The following TNFRSF10D variants were observed in gnomAD, a reference collection of about 807,000 sequenced individuals.
The protein encoded by TNFRSF10D is tumor necrosis factor receptor superfamily member 10D.
Under a neutral mutation model 42.1 loss-of-function variants are expected in TNFRSF10D, and 28 were observed. That is an observed-to-expected ratio of 0.66 (90% CI 0.49 to 0.91). The LOEUF (loss-of-function observed/expected upper bound fraction) is 0.91, where lower values mean the gene tolerates loss of function less well. Among genes scored for constraint, TNFRSF10D ranks in the 40% least tolerant of loss-of-function variants. The pLI is 0.00. For missense variants in TNFRSF10D, 503 were observed against 486.1 expected (o/e 1.03, Z -0.33); for synonymous variants, 186 against 189.4 (o/e 0.98, Z 0.15).
At chr8:23,138,064 C>G (rs1188852837) in intron 8 of TNFRSF10D, 61 bp from the exon 9 acceptor site, 10 of 1,608,784 alleles carry the variant, frequency 6.2e-6, no homozygotes, top group Non-Finnish European at 8.5e-7. Context: ...ACAGGATCGA[C>G]ATGGGGCCCC....
intron 1 of TNFRSF10D, among the ~76,000 whole-genome samples, chr8:23,159,859 T>C (rs115971861): frequency 0.023 from 3,549 of 151,546 alleles, 122 homozygotes; most frequent in African/African-American, 0.082. Flanking sequence ...CAATACTCCA[T>C]CTCAAGAAAA....
chr8:23,138,178 A>G lies in TNFRSF10D; in HGVS notation c.1027+10T>C, dbSNP rs1814374064. On this transcript the variant is annotated intron_variant, in intron 8 of 8. Coordinates refer to ENST00000312584, the MANE Select transcript of TNFRSF10D (RefSeq NM_003840.5). The stretch of plus-strand genomic sequence containing the variant: ...TCCTCCTGCTGCGTCTCAAGGCACA[A>G]AACACTTACTGTCAGCGGAGTCAGC... 2 of 1,614,222 alleles carry G rather than the reference A, an allele frequency of 1.2e-6. No homozygotes were observed. The highest frequency in any genetic ancestry group is 1.3e-5 in the African/African-American group (1 of 75,058).
Position 23,145,798 on chromosome 8 carries a change from G to A in TNFRSF10D, c.606C>T (p.Ile202=). The A allele has an allele frequency of 6.2e-7, 1 of 1,614,222 alleles. No individual in the cohort carries two copies. Among genetic ancestry groups the A allele is most frequent in the African/African-American group, 1.3e-5 (1 of 75,054 alleles). Residue 202 remains isoleucine, a synonymous_variant, in exon 5 of 9, where the codon ATC becomes ATT. Coordinates refer to ENST00000312584, the MANE Select transcript of TNFRSF10D (RefSeq NM_003840.5). ...GATAGGGAGAGGCAAGCATCCCCAG[G>A]ATGGTGGTCACTGTCTCCTCCGCTG... ...TPAAEETVTT[I]LGMLASPYHY...
rs76715619 is a variant in TNFRSF10D at position 23,137,655 on chromosome 8, T to C, written c.*215A>G. ...TATAACTATGCAGCCAAGAATCTGA[T>C]ATAAATTTCTCCCGTTTGCTTATCA... On this transcript the variant is annotated 3_prime_UTR_variant, in exon 9 of 9. Coordinates refer to ENST00000312584, the MANE Select transcript of TNFRSF10D (RefSeq NM_003840.5). 2.3e-4 allele frequency: 128 copies of C among 547,330 alleles called. No individual in the cohort carries two copies. The East Asian group carries it at 3.7e-3, about 16-fold the overall frequency. The allele number at this position is 547,330 out of a possible 1,614,324, so 33.9% of individuals were successfully genotyped here. A position where few individuals can be genotyped will look rare whatever the true frequency, so the allele number is the denominator to read the frequency against.
chr8:23,163,587 C>T (rs927114738), intron 1 of TNFRSF10D, among the ~76,000 whole-genome samples, 199 bp downstream of exon 1: 3 of 152,166 alleles, frequency 2.0e-5, no homozygotes, highest in South Asian at 2.1e-4. Flanking sequence ...GCGCGCTCTG[C>T]TCCCTCGCGG....
intron 7 of TNFRSF10D, among the ~76,000 whole-genome samples, chr8:23,140,161 C>G (rs58607571): frequency 6.6e-6 from 1 of 151,990 alleles, no homozygotes. Context: ...TGGCAGTGTG[C>G]GCCTGTAATC....
intron 1 of TNFRSF10D, among the ~76,000 whole-genome samples, chr8:23,163,394 C>T (rs1585268134): frequency 6.6e-6 from 1 of 151,872 alleles, no homozygotes; most frequent in South Asian, 2.1e-4. Flanking sequence ...TGAGCCACCG[C>T]GACCGGCCTG....
At chr8:23,141,763 G>A (rs537855960) in intron 7 of TNFRSF10D, among the ~76,000 whole-genome samples, 546 of 151,402 alleles carry the variant, frequency 3.6e-3, no homozygotes, top group African/African-American at 0.012. Flanking sequence ...CAAAACTACA[G>A]TGGGATACCA....
intron 2 of TNFRSF10D, among the ~76,000 whole-genome samples, chr8:23,154,379 ACT>A (rs1198983076): frequency 5.7e-3 from 870 of 152,034 alleles, no homozygotes; most frequent in African/African-American, 0.018. Context: ...CATGGAACAA[ACT>A]CTGCACTTAC....
At chr8:23,149,189 CAAAAAA>C (rs370400558) in intron 2 of TNFRSF10D, among the ~76,000 whole-genome samples, 3 of 85,698 alleles carry the variant, frequency 3.5e-5, no homozygotes, top group African/African-American at 4.9e-5. Context: ...GACTCTGTCT[CAAAAAA>C]AAAAAAAAAA....
chr8:23,147,753 CCT>C (rs1043885361), intron 3 of TNFRSF10D, among the ~76,000 whole-genome samples: 13 of 151,954 alleles, frequency 8.6e-5, no homozygotes, highest in Non-Finnish European at 1.8e-4. Context: ...ATGGAGAAAC[CCT>C]GTCTCTACTA....
intron 2 of TNFRSF10D, among the ~76,000 whole-genome samples, chr8:23,149,000 C>T (rs1269190686): frequency 4.0e-5 from 6 of 151,422 alleles, no homozygotes; most frequent in South Asian, 2.1e-4. Flanking sequence ...ACCATCCTGG[C>T]TAACACAGTG....
At chr8:23,144,414 G>A in intron 7 of TNFRSF10D, 36 bp downstream of exon 7, 1 of 1,599,924 alleles carries the variant, frequency 6.3e-7, no homozygotes, top group Non-Finnish European at 8.5e-7. Context: ...TGTGCAGGCT[G>A]CACGCCAGGC....
chr8:23,159,444 C>T (rs1395514236), intron 1 of TNFRSF10D, among the ~76,000 whole-genome samples: 2 of 152,204 alleles, frequency 1.3e-5, no homozygotes, highest in Non-Finnish European at 2.9e-5. Context: ...CTTGTTAGAA[C>T]AGAACCACTC....
chr8:23,153,930 T>C (rs181960194), intron 2 of TNFRSF10D, among the ~76,000 whole-genome samples: 1 of 152,360 alleles, frequency 6.6e-6, no homozygotes, highest in East Asian at 1.9e-4. Flanking sequence ...CCCATGTGCA[T>C]TGGAGCATTA....
intron 7 of TNFRSF10D, among the ~76,000 whole-genome samples, chr8:23,138,868 A>G (rs1814393640): frequency 2.0e-5 from 3 of 152,220 alleles, no homozygotes; most frequent in Admixed American, 1.3e-4. Flanking sequence ...TTTCTATATG[A>G]AACCAAAAGT....
At chr8:23,140,851 T>C (rs148467661) in intron 7 of TNFRSF10D, among the ~76,000 whole-genome samples, 946 of 152,270 alleles carry the variant, frequency 6.2e-3, no homozygotes, top group African/African-American at 0.019. Flanking sequence ...TGTGAGTCCA[T>C]TAAACCTCTT....
At position 23,155,001 on chromosome 8, in the gene TNFRSF10D, G is replaced by A. The variant is rs781113011; in HGVS notation, c.151-22C>T. 9 of 1,575,940 alleles carry A rather than the reference G, an allele frequency of 5.7e-6. No individual in the cohort carries two copies. The South Asian group carries it at 1.0e-4, about 18-fold the overall frequency. On this transcript the variant is annotated intron_variant, in intron 1 of 8. Transcript: ENST00000312584. ...GGACCTGTGGGGACAAGGCAGAGAT[G>A]GGCTTGAGTGGCTTCCAGACCTTAC...
At position 23,137,626 on chromosome 8, in the gene TNFRSF10D, A is replaced by C; in HGVS notation, c.*244T>G. On this transcript the variant is annotated 3_prime_UTR_variant, in exon 9 of 9. Coordinates refer to ENST00000312584, the MANE Select transcript of TNFRSF10D (RefSeq NM_003840.5). ...GGCCTAAAACGACCCTTAATACACA[A>C]TCGTATAACTATGCAGCCAAGAATC... 2.2e-6 allele frequency: 1 copy of C among 454,586 alleles called. No individual in the cohort carries two copies. The highest frequency in any genetic ancestry group is 3.8e-6 in the Non-Finnish European group (1 of 261,836). The allele number at this position is 454,586 out of a possible 1,614,324, so 28.2% of individuals were successfully genotyped here. A position where few individuals can be genotyped will look rare whatever the true frequency, so the allele number is the denominator to read the frequency against.
Sources: allele counts gnomAD v4.1 joint callset (sites outside exome capture counted in the v4.1 genomes callset), GRCh38; gene constraint gnomAD v4.1.1; transcripts MANE v1.5; gene names NCBI Gene and HGNC (gene_info 2026-07-23, HGNC 2026-07-21).